CC2D1A: variants seen among roughly 807,000 people sequenced by gnomAD.
CC2D1A encodes the protein coiled-coil and C2 domain-containing protein 1A.
A neutral mutation model predicts 123.8 loss-of-function variants in CC2D1A; 68 were observed. The ratio of observed to expected loss-of-function variants is 0.55; its 90% CI spans 0.45 to 0.67. The LOEUF (loss-of-function observed/expected upper bound fraction) is 0.67. Ranked by LOEUF, CC2D1A falls within the 30% of genes least tolerant of loss-of-function variation. The pLI, the probability that CC2D1A is intolerant of heterozygous loss-of-function variation, is 0.00. For synonymous variants in CC2D1A, 477 were observed against 528.0 expected (o/e 0.90, Z 1.32); for missense variants, 1,185 against 1,290.3 (o/e 0.92, Z 1.25).
intron 1 of CC2D1A, among the ~76,000 whole-genome samples, chr19:13,908,782 G>T (rs1970887361): frequency 6.6e-6 from 1 of 152,208 alleles, no homozygotes; most frequent in South Asian, 2.1e-4. Context: ...ATGCTGGAAA[G>T]AAAAGCCCAA....
intron 1 of CC2D1A, among the ~76,000 whole-genome samples, chr19:13,907,098 G>A (rs539940244): frequency 6.6e-6 from 1 of 152,270 alleles, no homozygotes; most frequent in African/African-American, 2.4e-5. Context: ...TCGGACACTT[G>A]ACTTTACAGC....
intron 6 of CC2D1A, 45 bp from the exon 7 acceptor site, chr19:13,918,025 T>C (rs1307310914): frequency 6.3e-7 from 1 of 1,599,446 alleles, no homozygotes; most frequent in Non-Finnish European, 8.5e-7. Context: ...ACGGTGAACT[T>C]GGCCCAGGCC....
intron 24 of CC2D1A, among the ~76,000 whole-genome samples, chr19:13,929,019 T>C (rs1341465020): frequency 6.6e-6 from 1 of 151,338 alleles, no homozygotes; most frequent in Non-Finnish European, 1.5e-5. Context: ...TTTTTTTTTT[T>C]TTGAGACAGA....
intron 17 of CC2D1A, among the ~76,000 whole-genome samples, chr19:13,926,000 G>GTATATATATATATACATATATGTGTA (rs1971605316): frequency 1.4e-5 from 1 of 71,718 alleles, no homozygotes; most frequent in East Asian, 4.2e-4. Flanking sequence ...ATATATGTGT[G>GTATATATATATATACATATATGTGTA]TATATATATA....
intron 1 of CC2D1A, among the ~76,000 whole-genome samples, chr19:13,907,964 G>A (rs568382472): frequency 6.6e-6 from 1 of 152,250 alleles, no homozygotes; most frequent in Non-Finnish European, 1.5e-5. Context: ...ATAGGAAGAC[G>A]GGTCTGCATG....
chr19:13,910,061 G>C, intron 2 of CC2D1A, 103 bp downstream of exon 2: 1 of 1,145,100 alleles, frequency 8.7e-7, no homozygotes, highest in Non-Finnish European at 1.2e-6. Flanking sequence ...AGACAGAGAA[G>C]ACCCCTGTTC....
rs761771153 is a variant in CC2D1A at position 13,923,780 on chromosome 19, C to T, written c.1909C>T (p.Arg637Cys). ...FVRGLPTPTARFEQRTFSVIK... is the reference protein window; with the variant it reads ...FVRGLPTPTACFEQRTFSVIK... Reference sequence around the variant, plus strand: ...CCGGGGTCTCCCCACGCCCACCGCCCGCTTTGAGCAAAGGACCTTCAGCGT... The same window carrying T: ...CCGGGGTCTCCCCACGCCCACCGCCTGCTTTGAGCAAAGGACCTTCAGCGT... The change falls in exon 17 of 29, where the codon CGC becomes TGC. Residue 637 changes from arginine to cysteine, a missense_variant. By Grantham distance (180) the Arg-to-Cys change is radical. Transcript: ENST00000318003. The surrounding 1 kb of genome is among the most constrained non-coding windows in gnomAD (Gnocchi z 5.3). The T allele has an allele frequency of 7.4e-6, 12 of 1,613,898 alleles. No homozygotes were observed. Among genetic ancestry groups the T allele is most frequent in the East Asian group, 4.5e-5 (2 of 44,880 alleles).
rs755120250 is a variant in CC2D1A, at chr19:13,929,412, G to A, written c.2553G>A (p.Leu851=). 2.5e-6 allele frequency: 4 copies of A among 1,613,418 alleles called. No homozygotes were observed. Among genetic ancestry groups the A allele is most frequent in the Admixed American group, 1.7e-5 (1 of 59,954 alleles). ...GGCCCCTGCATAGCCTCAGTGTGCT[G>A]GCGTTTGACCAAGAGCGTCTGGAGC... ...SARPLHSLSV[L]AFDQERLERK... Residue 851 remains leucine, a synonymous_variant, in exon 25 of 29, where the codon CTG becomes CTA. Coordinates refer to ENST00000318003, the MANE Select transcript of CC2D1A (RefSeq NM_017721.5).
In CC2D1A at chr19:13,926,653, T is replaced by C; in HGVS notation, c.2015-14T>C. ...CCCCCTCTCTGCCCAGCTCTGACCG[T>C]TGTTTGCCCACAGGACTGTCCCCTG... On this transcript the variant is annotated splice_polypyrimidine_tract_variant and intron_variant, in intron 18 of 28. Coordinates refer to ENST00000318003, the MANE Select transcript of CC2D1A (RefSeq NM_017721.5). 5.6e-6 allele frequency: 9 copies of C among 1,614,164 alleles called. No homozygotes were observed. Among genetic ancestry groups the C allele is most frequent in the Non-Finnish European group, 7.6e-6 (9 of 1,180,020 alleles).
chr19:13,919,950 A>G lies in CC2D1A; in HGVS notation c.1355A>G (p.Lys452Arg). 1 of 1,610,664 alleles carries G rather than the reference A, an allele frequency of 6.2e-7. No individual in the cohort carries two copies. Among genetic ancestry groups the G allele is most frequent in the South Asian group, 1.1e-5 (1 of 90,856 alleles). The change falls in exon 12 of 29, where the codon AAG becomes AGG. Residue 452 changes from lysine (K) to arginine (R), a missense_variant and splice_region_variant. Lys to Arg is a conservative substitution (Grantham distance 26). Transcript: ENST00000318003. ...GATGAAGAGGATGAGGTGCCTAAGA[A>G]GGTTTGAGGGTTGGGGCCGGGCGCA... ...PEDEEDEVPK[K>R]QNSPVAPTAQ...
In CC2D1A at chr19:13,920,651, A is replaced by G. The variant is rs1971378941; in HGVS notation, c.1451A>G (p.Lys484Arg). 6.2e-7 allele frequency: 1 copy of G among 1,610,186 alleles called. No homozygotes were observed. The highest frequency in any genetic ancestry group is 8.5e-7 in the Non-Finnish European group (1 of 1,178,122). Reference protein sequence around the residue: ...GSAPTAKAPPKATSTRAQQQL... With the variant: ...GSAPTAKAPPRATSTRAQQQL... ...GCCCCAACAGCCAAAGCGCCCCCCA[A>G]AGCCACATCCACCAGAGGTAAGTTC... Residue 484 changes from lysine to arginine, a missense_variant, in exon 13 of 29, where the codon AAA (lysine) becomes AGA (arginine). Physicochemically the swap from Lys to Arg is conservative, Grantham distance 26 (BLOSUM62 2). Transcript: ENST00000318003.
intron 17 of CC2D1A, among the ~76,000 whole-genome samples, chr19:13,925,020 C>T (rs1971543330): frequency 6.6e-6 from 1 of 152,186 alleles, no homozygotes; most frequent in African/African-American, 2.4e-5. Context: ...CACCCTCTTC[C>T]TCAGGTCTCC....
rs773968789 is a variant in CC2D1A, at chr19:13,909,791, A to G, written c.61-32A>G. On this transcript the variant is annotated intron_variant, in intron 1 of 28. Transcript: ENST00000318003. The stretch of plus-strand genomic sequence containing the variant: ...CTGCCTCTAGCCATGTGGTGAACCA[A>G]AGGTCTGACTGAACCCTTGCTGTTC... The G allele has an allele frequency of 1.9e-6, 3 of 1,606,996 alleles. No homozygotes were observed. In the East Asian group the frequency reaches 6.7e-5, roughly 36 times the overall value.
At position 13,918,118 on chromosome 19, in the gene CC2D1A, A is replaced by G; in HGVS notation, c.797A>G (p.Asp266Gly). 1 of 1,612,376 alleles carries G rather than the reference A, an allele frequency of 6.2e-7. No homozygotes were observed. Among genetic ancestry groups the G allele is most frequent in the Non-Finnish European group, 8.5e-7 (1 of 1,179,790 alleles). Residue 266 changes from aspartate (D) to glycine (G), a missense_variant, in exon 7 of 29, where the codon GAC (aspartate) becomes GGC (glycine). Coordinates refer to ENST00000318003, the MANE Select transcript of CC2D1A (RefSeq NM_017721.5). ...PLAQLQSRQRDYKLAALHAKQ... is the reference protein window; with the variant it reads ...PLAQLQSRQRGYKLAALHAKQ... Reference sequence around the variant, plus strand: ...GCCCAGTTGCAGAGCCGCCAGCGCGACTACAAGCTGGCTGCCCTCCACGCC... The same window carrying G: ...GCCCAGTTGCAGAGCCGCCAGCGCGGCTACAAGCTGGCTGCCCTCCACGCC...
chr19:13,908,246 G>C (rs1970865156), intron 1 of CC2D1A, among the ~76,000 whole-genome samples: 1 of 152,112 alleles, frequency 6.6e-6, no homozygotes, highest in Non-Finnish European at 1.5e-5. Context: ...CCCATCTCAG[G>C]TGACCCGCCT....
chr19:13,919,273 C>A (rs1971324181), intron 11 of CC2D1A, 71 bp downstream of exon 11: 21 of 1,249,530 alleles, frequency 1.7e-5, no homozygotes, highest in Non-Finnish European at 2.3e-5. Context: ...AGAGGCCCCG[C>A]CGCTGGCAGG....
In CC2D1A at chr19:13,918,532, G is replaced by A. The variant is rs541500407; in HGVS notation, c.902G>A (p.Ser301Asn). 39 of 1,613,872 alleles carry A rather than the reference G, an allele frequency of 2.4e-5. No homozygotes were observed. In the African/African-American group the frequency reaches 4.9e-4, roughly 20 times the overall value. The change falls in exon 8 of 29, where the codon AGC becomes AAC. Residue 301 changes from serine to asparagine, a missense_variant. Physicochemically the swap from Ser to Asn is conservative, Grantham distance 46. Coordinates refer to ENST00000318003, the MANE Select transcript of CC2D1A (RefSeq NM_017721.5). ...TTTGATGCTGTCTTGGAGGCCCTGA[G>A]CCGGGGTGAGCCCGTGGACCTCTCC... ...KSFDAVLEAL[S>N]RGEPVDLSCL...
chr19:13,930,592 GC>G lies in CC2D1A; in HGVS notation c.*201del, dbSNP rs2145390826. On this transcript the variant is annotated 3_prime_UTR_variant, in exon 29 of 29. Transcript: ENST00000318003. This position sits in a 1 kb window ranked among gnomAD's most constrained non-coding sequence, Gnocchi z 6.8. The stretch of plus-strand genomic sequence containing the variant: ...GAACCATGCCTGCCAGCCAGTATGT[GC>G]CCCTCACCCAGGCCTGGCTGGGCCC... The G allele has an allele frequency of 4.6e-6, 3 of 646,240 alleles. No individual in the cohort carries two copies. Among genetic ancestry groups the G allele is most frequent in the East Asian group, 5.5e-5 (2 of 36,590 alleles). The allele number at this position is 646,240 out of a possible 1,614,324, so 40.0% of individuals were successfully genotyped here. A position where few individuals can be genotyped will look rare whatever the true frequency, so the allele number is the denominator to read the frequency against.
chr19:13,930,030 C>T lies in CC2D1A; in HGVS notation c.2711-48C>T. 2 of 1,575,336 alleles carry T rather than the reference C, an allele frequency of 1.3e-6. No individual in the cohort carries two copies. The highest frequency in any genetic ancestry group is 1.1e-5 in the South Asian group (1 of 87,372). On this transcript the variant is annotated intron_variant, in intron 26 of 28. Transcript: ENST00000318003. The surrounding 1 kb of genome is among the most constrained non-coding windows in gnomAD (Gnocchi z 6.8). ...GGGCACAGTCCAGGAGGGTTGTGGG[C>T]AGTGAGGCCCCACCCTAAGCCTCCA... is the stretch of plus-strand genomic sequence containing the variant.
Sources: gnomAD v4.1 joint callset for allele counts (sites outside exome capture counted in the v4.1 genomes callset) on GRCh38, gnomAD v4.1.1 for gene constraint, Gnocchi (gnomAD v3.1) non-coding constraint, MANE v1.5 for transcripts, NCBI Gene and HGNC (gene_info 2026-07-23, HGNC 2026-07-21) for gene names.